The following PTPRO variants were observed in gnomAD, a reference collection of about 807,000 sequenced individuals.
The protein encoded by PTPRO is protein tyrosine phosphatase receptor type O, also known as receptor-type tyrosine-protein phosphatase O.
In PTPRO, 62 loss-of-function variants were observed where a neutral mutation model predicts 145.2. That is an observed-to-expected ratio of 0.43 (90% CI 0.35 to 0.53). The LOEUF is 0.53. Among genes scored for constraint, PTPRO ranks in the 20% least tolerant of loss-of-function variants. PTPRO has a pLI of 0.01. For synonymous variants in PTPRO, 565 were observed against 514.7 expected, an observed-to-expected ratio of 1.10 and a Z score of -1.32; for missense variants, 1,345 against 1,482.7, an observed-to-expected ratio of 0.91 and a Z score of 1.53.
intron 22 of PTPRO, among the ~76,000 whole-genome samples, chr12:15,581,273 C>CAA (rs1332895969): frequency 6.8e-6 from 1 of 147,694 alleles, no homozygotes; most frequent in Non-Finnish European, 1.5e-5. Flanking sequence ...ATTCCTGGAA[C>CAA]AATGTTATGC....
intron 1 of PTPRO, among the ~76,000 whole-genome samples, chr12:15,434,455 T>C (rs1445277031): frequency 6.6e-6 from 1 of 152,166 alleles, no homozygotes; most frequent in East Asian, 1.9e-4. Context: ...AATGGTAAAG[T>C]AGTAAAGATC....
intron 14 of PTPRO, among the ~76,000 whole-genome samples, chr12:15,550,754 A>G (rs2135559348): frequency 6.6e-6 from 1 of 152,352 alleles, no homozygotes; most frequent in Middle Eastern, 3.4e-3. Context: ...TCATTCTGTG[A>G]CTTTATGATC....
At position 15,593,195 on chromosome 12, in the gene PTPRO, T is replaced by C. The variant is rs908742442; in HGVS notation, c.3547-1742T>C. Among the ~76,000 whole-genome samples, 9 of 152,348 alleles carry C rather than the reference T, an allele frequency of 5.9e-5. No individual in the cohort carries two copies. In the East Asian group the frequency reaches 1.7e-3, roughly 29 times the overall value. ...CCATCACCACAAAAGGGAATATATT[T>C]TCTCCAAACCGTGTTGAAAAATACA... On this transcript the variant is annotated intron_variant, in intron 25 of 26. Coordinates refer to ENST00000281171, the MANE Select transcript of PTPRO (RefSeq NM_030667.3).
intron 8 of PTPRO, among the ~76,000 whole-genome samples, chr12:15,516,069 C>T (rs1345623045): frequency 2.1e-5 from 3 of 143,474 alleles, no homozygotes; most frequent in East Asian, 4.3e-4. Flanking sequence ...CAGTTCCCTG[C>T]AACTTCTGCC....
At chr12:15,496,142 G>GTTTTTTTTTTTT (rs71042255) in intron 2 of PTPRO, among the ~76,000 whole-genome samples, 16 of 75,352 alleles carry the variant, frequency 2.1e-4, no homozygotes, top group East Asian at 9.1e-4. Context: ...TTCTTTTTTT[G>GTTTTTTTTTTTT]TTTTTTTTTT....
At chr12:15,580,548 G>T in intron 21 of PTPRO, 149 bp from the exon 22 acceptor site, 1 of 898,816 alleles carries the variant, frequency 1.1e-6, no homozygotes, top group South Asian at 1.5e-5. Flanking sequence ...TAGCCTCTTT[G>T]ATTAAAACAG....
chr12:15,495,337 T>C (rs1383793300), intron 2 of PTPRO, among the ~76,000 whole-genome samples: 1 of 150,308 alleles, frequency 6.7e-6, no homozygotes, highest in Non-Finnish European at 1.5e-5. Flanking sequence ...CAAAGATAGA[T>C]TAAGAACCTG....
At chr12:15,584,189 C>T (rs1393268583) in intron 23 of PTPRO, among the ~76,000 whole-genome samples, 1 of 152,128 alleles carries the variant, frequency 6.6e-6, no homozygotes, top group Non-Finnish European at 1.5e-5. Context: ...AGTGCTGTAT[C>T]CCTGTGGAAT....
At chr12:15,489,920 G>A (rs61908053) in intron 2 of PTPRO, among the ~76,000 whole-genome samples, 8 of 152,270 alleles carry the variant, frequency 5.3e-5, no homozygotes, top group South Asian at 2.1e-4. Flanking sequence ...AAATGGAATC[G>A]TATATGCAAA....
chr12:15,387,259 A>T (rs1426250657), intron 1 of PTPRO, among the ~76,000 whole-genome samples: 3 of 151,816 alleles, frequency 2.0e-5, no homozygotes, highest in Non-Finnish European at 1.5e-5. Context: ...ATTTCCAAAC[A>T]TACACCCTAA....
intron 16 of PTPRO, among the ~76,000 whole-genome samples, chr12:15,558,777 A>T (rs1424691409): frequency 6.6e-6 from 1 of 152,176 alleles, no homozygotes; most frequent in African/African-American, 2.4e-5. Flanking sequence ...TTAGGATATA[A>T]ATTTTACTTC....
intron 1 of PTPRO, among the ~76,000 whole-genome samples, chr12:15,377,500 A>T (rs2136269788): frequency 6.6e-6 from 1 of 151,404 alleles, no homozygotes; most frequent in South Asian, 2.1e-4. Flanking sequence ...AACCAAAATT[A>T]AAAACTGTGA....
intron 1 of PTPRO, among the ~76,000 whole-genome samples, chr12:15,420,901 C>T (rs927541865): frequency 2.0e-5 from 3 of 152,140 alleles, no homozygotes; most frequent in Admixed American, 6.5e-5. Flanking sequence ...TAGTGTCTAC[C>T]ACATACTAAG....
At position 15,520,296 on chromosome 12, in the gene PTPRO, C is replaced by T. The variant is rs1355908864; in HGVS notation, c.1875C>T (p.Thr625=). 1.2e-6 allele frequency: 2 copies of T among 1,611,276 alleles called. No individual in the cohort carries two copies. Among genetic ancestry groups the T allele is most frequent in the East Asian group, 4.5e-5 (2 of 44,842 alleles). Residue 625 remains threonine (T), a synonymous_variant, in exon 10 of 27, where the codon ACC becomes ACT. Coordinates refer to ENST00000281171, the MANE Select transcript of PTPRO (RefSeq NM_030667.3). The part of the protein sequence containing the change: ...DPELSCCDSS[T]ISFITAPVAP... Reference sequence around the variant, plus strand: ...AATTGAGCTGCTGTGACAGCTCTACCATCAGCTTCATAACAGGTGAGGCAT... The same window carrying T: ...AATTGAGCTGCTGTGACAGCTCTACTATCAGCTTCATAACAGGTGAGGCAT...
At chr12:15,531,906 C>T (rs1378974699) in intron 12 of PTPRO, among the ~76,000 whole-genome samples, 4 of 152,102 alleles carry the variant, frequency 2.6e-5, no homozygotes, top group African/African-American at 9.7e-5. Context: ...CAAGCCATCT[C>T]TGTTATTACA....
At chr12:15,346,384 T>C (rs904823409) in intron 1 of PTPRO, 1 of 152,210 alleles carries the variant, frequency 6.6e-6, no homozygotes, top group East Asian at 1.9e-4. Flanking sequence ...CATCCCCAGG[T>C]TGGGTCAGAT....
chr12:15,483,426 A>G (rs2136438122), intron 1 of PTPRO, among the ~76,000 whole-genome samples: 2 of 152,268 alleles, frequency 1.3e-5, no homozygotes, highest in South Asian at 4.1e-4. Context: ...TTAAGAGATT[A>G]TGCTGGTTAA....
intron 17 of PTPRO, among the ~76,000 whole-genome samples, chr12:15,560,963 G>A (rs1385334897): frequency 6.6e-6 from 1 of 151,906 alleles, no homozygotes; most frequent in Non-Finnish European, 1.5e-5. Flanking sequence ...TTAACTTCTG[G>A]ATCATTTTAA....
intron 1 of PTPRO, among the ~76,000 whole-genome samples, chr12:15,399,738 T>C (rs1021615716): frequency 6.6e-6 from 1 of 151,964 alleles, no homozygotes; most frequent in African/African-American, 2.4e-5. Flanking sequence ...TTCAGAAATA[T>C]TTGTACTGCA....
Sources: gnomAD v4.1 joint callset for allele counts (sites outside exome capture counted in the v4.1 genomes callset) on GRCh38, gnomAD v4.1.1 for gene constraint, MANE v1.5 for transcripts, NCBI Gene and HGNC (gene_info 2026-07-23, HGNC 2026-07-21) for gene names.